The following RHBDL2 variants were observed in gnomAD, a reference collection of about 807,000 sequenced individuals.
RHBDL2 encodes the protein rhomboid-related protein 2.
Under a neutral mutation model 31.7 loss-of-function variants are expected in RHBDL2, and 26 were observed. That is an observed-to-expected ratio of 0.82 (90% confidence interval 0.60 to 1.14). RHBDL2 has a LOEUF of 1.14. Ranked by LOEUF, RHBDL2 falls within the 50% of genes most tolerant of loss-of-function variation. The pLI is 0.00. For synonymous variants in RHBDL2, 123 were observed against 127.2 expected (o/e 0.97, Z 0.22); for missense variants, 336 against 364.4 (o/e 0.92, Z 0.63).
intron 3 of RHBDL2, among the ~76,000 whole-genome samples, chr1:38,915,267 G>T (rs1365873450): frequency 6.6e-6 from 1 of 151,520 alleles, no homozygotes; most frequent in African/African-American, 2.4e-5. Flanking sequence ...CGGGACTACA[G>T]GTATGCATCA....
At chr1:38,936,943 C>T (rs1293724423) in intron 1 of RHBDL2, among the ~76,000 whole-genome samples, 2 of 145,564 alleles carry the variant, frequency 1.4e-5, no homozygotes, top group Non-Finnish European at 3.0e-5. Flanking sequence ...CGAGTATTCT[C>T]GAGTGTTCTT....
chr1:38,886,377 C>A lies in RHBDL2; in HGVS notation c.*127G>T, dbSNP rs1189541101. 3.4e-6 allele frequency: 2 copies of A among 585,272 alleles called. No homozygotes were observed. Among genetic ancestry groups the A allele is most frequent in the Non-Finnish European group, 5.4e-6 (2 of 371,616 alleles). 36.3% of individuals were successfully genotyped at this position (585,272 alleles called of 1,614,324 possible). On this transcript the variant is annotated 3_prime_UTR_variant, in exon 8 of 8. Coordinates refer to ENST00000372990, the MANE Select transcript of RHBDL2 (RefSeq NM_017821.5). ...ATCTTTGCAACTGATGAGTTTAATG[C>A]TGTTTTGTCCTCTATATAAAATTGT...
chr1:38,911,349 G>A lies in RHBDL2; in HGVS notation c.481C>T (p.Leu161=), dbSNP rs749746698. The A allele has an allele frequency of 1.2e-6, 2 of 1,613,422 alleles. No individual in the cohort carries two copies. ...GCAATCACTCCTGCCAGGTACACCA[G>A]CCCCACACGGAGGCCTTTGTGGACC... ...EMVHKGLRVG[L]VYLAGVIAGS... is the part of the protein sequence containing the mutation. The change falls in exon 4 of 8, where the codon CTG becomes TTG. Residue 161 remains leucine (L), a synonymous_variant. Coordinates refer to ENST00000372990, the MANE Select transcript of RHBDL2 (RefSeq NM_017821.5).
At position 38,888,010 on chromosome 1, in the gene RHBDL2, C is replaced by G. The variant is rs749941326; in HGVS notation, c.685G>C (p.Gly229Arg). 1 of 1,612,452 alleles carries G rather than the reference C, an allele frequency of 6.2e-7. No individual in the cohort carries two copies. The highest frequency in any genetic ancestry group is 8.5e-7 in the Non-Finnish European group (1 of 1,178,692). The change falls in exon 7 of 8, where the codon GGA becomes CGA. Residue 229 changes from glycine to arginine, a missense_variant. Transcript: ENST00000372990. Reference protein sequence around the residue: ...IIILIIVLDMGFALYRRFFVP... With the variant: ...IIILIIVLDMRFALYRRFFVP... ...AAGAACCTTCTATAGAGAGCAAATC[C>G]CATGTCCAACACAACTAGAAGGAAA... is the stretch of plus-strand genomic sequence containing the variant.
rs71057165 is a variant in RHBDL2, at chr1:38,920,166, C to CTTTT, written c.-125-833_-125-830dup. On this transcript the variant is annotated intron_variant, in intron 1 of 7. Transcript: ENST00000372990. Reference sequence around the variant, plus strand: ...GTGGTTGGCTTCCTTCACATGTTTTCTTTTTTTTTTTTTTTTTTTGAGATG... The same window carrying CTTTT: ...GTGGTTGGCTTCCTTCACATGTTTTCTTTTTTTTTTTTTTTTTTTTTTTGAGATG... 3.2e-3 allele frequency among the ~76,000 whole-genome samples: 352 copies of CTTTT among 111,378 alleles called. 17 individuals carry two copies. Among genetic ancestry groups the CTTTT allele is most frequent in the African/African-American group, 8.4e-3 (240 of 28,542 alleles). 73.1% of individuals were successfully genotyped at this position (111,378 alleles called of 152,430 possible). A position where few individuals can be genotyped will look rare whatever the true frequency, so the allele number is the denominator to read the frequency against.
chr1:38,887,915 TGACAGTAAAC>T, intron 7 of RHBDL2, 38 bp downstream of exon 7: 1 of 1,363,322 alleles, frequency 7.3e-7, no homozygotes, highest in Admixed American at 1.8e-5. Flanking sequence ...TAACCCTTTT[TGACAGTAAAC>T]TAATTTCTAT....
Position 38,915,623 on chromosome 1 carries a change from A to G in RHBDL2, c.334T>C (p.Tyr112His), listed in dbSNP as rs765704583. 5 of 1,614,054 alleles carry G rather than the reference A, an allele frequency of 3.1e-6. No individual in the cohort carries two copies. The Admixed American group carries it at 8.3e-5, about 27-fold the overall frequency. ...DTGILESPFIYSPEKREEAWR... is the reference protein window; with the variant it reads ...DTGILESPFIHSPEKREEAWR... ...GCTTCCTCCCTCTTCTCAGGACTGT[A>G]GATAAAGGGACTCTCCAAGATGCCT... The change falls in exon 3 of 8, where the codon TAC becomes CAC. Residue 112 changes from tyrosine (Y) to histidine (H), a missense_variant. Physicochemically the swap from Tyr to His is moderately conservative, Grantham distance 83. Coordinates refer to ENST00000372990, the MANE Select transcript of RHBDL2 (RefSeq NM_017821.5).
intron 1 of RHBDL2, among the ~76,000 whole-genome samples, chr1:38,921,395 G>A (rs1443141690): frequency 1.3e-5 from 2 of 152,052 alleles, no homozygotes; most frequent in Non-Finnish European, 2.9e-5. Flanking sequence ...AAAAAGAAAA[G>A]AACTGTATCT....
At chr1:38,926,106 C>G (rs1240540188) in intron 1 of RHBDL2, 3 of 1,186,386 alleles carry the variant, frequency 2.5e-6, no homozygotes, top group Middle Eastern at 2.3e-4. Flanking sequence ...ATTAACCATG[C>G]CCAATATTCA....
chr1:38,920,182 T>TTA (rs1214443272), intron 1 of RHBDL2, among the ~76,000 whole-genome samples: 45 of 148,092 alleles, frequency 3.0e-4, no homozygotes, highest in Non-Finnish European at 6.1e-4. Flanking sequence ...TTTTTTTTTT[T>TTA]TTTGAGATGT....
chr1:38,908,631 T>C (rs1643100843), intron 4 of RHBDL2, among the ~76,000 whole-genome samples: 1 of 152,098 alleles, frequency 6.6e-6, no homozygotes, highest in African/African-American at 2.4e-5. Context: ...TGTTCGCTTC[T>C]TCAGTGCCCT....
At chr1:38,937,951 T>C (rs1643527176) in intron 1 of RHBDL2, among the ~76,000 whole-genome samples, 1 of 151,958 alleles carries the variant, frequency 6.6e-6, no homozygotes, top group Non-Finnish European at 1.5e-5. Context: ...CTTGGCGTCT[T>C]CATATCCTAG....
chr1:38,912,690 G>C (rs1643166113), intron 3 of RHBDL2, among the ~76,000 whole-genome samples: 2 of 151,234 alleles, frequency 1.3e-5, no homozygotes, highest in African/African-American at 4.9e-5. Context: ...CAAAGGGCTG[G>C]GATTACAGGT....
chr1:38,895,864 G>T (rs567159311), intron 5 of RHBDL2, 105 bp downstream of exon 5: 9 of 700,738 alleles, frequency 1.3e-5, no homozygotes, highest in East Asian at 1.1e-4. Context: ...TCAGAAAATT[G>T]AGTGCTCAGT....
At chr1:38,889,582 C>G (rs971451101) in intron 6 of RHBDL2, among the ~76,000 whole-genome samples, 1 of 152,146 alleles carries the variant, frequency 6.6e-6, no homozygotes, top group South Asian at 2.1e-4. Flanking sequence ...CACTAATTGC[C>G]TGTAATTACC....
At chr1:38,939,881 G>T (rs1376857244) in intron 1 of RHBDL2, among the ~76,000 whole-genome samples, 2 of 151,648 alleles carry the variant, frequency 1.3e-5, no homozygotes, top group African/African-American at 4.8e-5. Context: ...CTCGCTTGTT[G>T]CCCAGGCTGG....
chr1:38,907,056 C>T (rs1026270441), intron 4 of RHBDL2, among the ~76,000 whole-genome samples: 1 of 152,110 alleles, frequency 6.6e-6, no homozygotes, highest in Non-Finnish European at 1.5e-5. Context: ...GAGGGATAGA[C>T]ATAGAGATTG....
At chr1:38,909,456 A>G (rs1220969694) in intron 4 of RHBDL2, among the ~76,000 whole-genome samples, 2 of 152,218 alleles carry the variant, frequency 1.3e-5, no homozygotes, top group African/African-American at 2.4e-5. Context: ...AATGTTTAAT[A>G]TTTAAAGAAT....
intron 7 of RHBDL2, among the ~76,000 whole-genome samples, chr1:38,887,729 T>C (rs1457049606): frequency 6.6e-6 from 1 of 152,144 alleles, no homozygotes; most frequent in African/African-American, 2.4e-5. Flanking sequence ...GGCCATTCTC[T>C]CCTGTTTTGG....
Sources: gnomAD v4.1 joint callset for allele counts (sites outside exome capture counted in the v4.1 genomes callset) on GRCh38, gnomAD v4.1.1 for gene constraint, MANE v1.5 for transcripts, NCBI Gene and HGNC (gene_info 2026-07-23, HGNC 2026-07-21) for gene names.